PRKG1: variants seen among roughly 807,000 people sequenced by gnomAD.
The protein encoded by PRKG1 is protein kinase cGMP-dependent 1.
PRKG1 carries 35 observed loss-of-function variants against 88.1 expected under a neutral mutation model. The ratio of observed to expected loss-of-function variants is 0.40; its 90% CI spans 0.30 to 0.53. PRKG1 has a LOEUF of 0.53. Among genes scored for constraint, PRKG1 ranks in the 20% least tolerant of loss-of-function variants. The pLI, the probability that PRKG1 is intolerant of heterozygous loss-of-function variation, is 0.59. For missense variants in PRKG1, 540 were observed against 839.8 expected (o/e 0.64, Z 4.41); for synonymous variants, 303 against 292.5 (o/e 1.04, Z -0.37).
chr10:52,025,143 C>G (rs1389896052), intron 5 of PRKG1, among the ~76,000 whole-genome samples: 1 of 152,064 alleles, frequency 6.6e-6, no homozygotes, highest in Non-Finnish European at 1.5e-5. Flanking sequence ...GAGAAGTGTC[C>G]ATTCATATCG....
intron 2 of PRKG1, among the ~76,000 whole-genome samples, chr10:51,380,560 G>A (rs1354550473): frequency 6.6e-6 from 1 of 152,142 alleles, no homozygotes; most frequent in East Asian, 1.9e-4. Flanking sequence ...AGCACTTTGG[G>A]AGACTGAGGC....
chr10:52,197,237 T>G (rs894455170), intron 9 of PRKG1, among the ~76,000 whole-genome samples: 1 of 152,122 alleles, frequency 6.6e-6, no homozygotes, highest in African/African-American at 2.4e-5. Flanking sequence ...TCTCTAAAGA[T>G]GCAAAAGAAT....
intron 6 of PRKG1, among the ~76,000 whole-genome samples, chr10:52,059,106 C>A (rs993087845): frequency 2.0e-5 from 3 of 151,782 alleles, no homozygotes; most frequent in African/African-American, 7.3e-5. Flanking sequence ...ATATTGAAAT[C>A]CTGAGATACT....
intron 9 of PRKG1, among the ~76,000 whole-genome samples, chr10:52,234,510 T>C (rs1043716713): frequency 6.6e-6 from 1 of 150,478 alleles, no homozygotes; most frequent in African/African-American, 2.5e-5. Flanking sequence ...GAGAACTACG[T>C]GAAGAATGCA....
chr10:51,610,593 A>G (rs1446143570), intron 3 of PRKG1, among the ~76,000 whole-genome samples: 1 of 152,158 alleles, frequency 6.6e-6, no homozygotes, highest in African/African-American at 2.4e-5. Context: ...TAGTGCTGCA[A>G]TACTATTCAC....
intron 3 of PRKG1, among the ~76,000 whole-genome samples, chr10:51,673,796 T>G (rs938441149): frequency 5.9e-5 from 9 of 152,252 alleles, no homozygotes; most frequent in Admixed American, 5.9e-4. Flanking sequence ...AATAGACTTT[T>G]TAACATCTGA....
chr10:51,335,575 A>C (rs1275261355), intron 2 of PRKG1, among the ~76,000 whole-genome samples: 1 of 151,936 alleles, frequency 6.6e-6, no homozygotes, highest in Non-Finnish European at 1.5e-5. Context: ...TCTGTTCCCC[A>C]GGCTGGAGTG....
chr10:51,371,360 G>A (rs1842702239), intron 2 of PRKG1, among the ~76,000 whole-genome samples: 1 of 151,526 alleles, frequency 6.6e-6, no homozygotes. Flanking sequence ...CAACATTAGA[G>A]ACCCATCTCT....
rs1172536011 is a variant in PRKG1 at position 52,224,838 on chromosome 10, T to TATATATATATAC, written c.1077-26731_1077-26730insTATATATATACA. 2.4e-4 allele frequency among the ~76,000 whole-genome samples: 32 copies of TATATATATATAC among 135,852 alleles called. 1 individual carries two copies. The highest frequency in any genetic ancestry group is 9.3e-4 in the African/African-American group (32 of 34,548). 89.1% of individuals were successfully genotyped at this position (135,852 alleles called of 152,430 possible). A position where few individuals can be genotyped will look rare whatever the true frequency, so the allele number is the denominator to read the frequency against. On this transcript the variant is annotated intron_variant, in intron 9 of 17. Coordinates refer to ENST00000373980, the MANE Select transcript of PRKG1 (RefSeq NM_006258.4). ...ATATATATATATATATATATATATATACATACATACATACATATCTCACAG... is the reference window on the plus strand; with the variant it reads ...ATATATATATATATATATATATATATATATATATATACACATACATACATACATATCTCACAG...
chr10:51,812,822 C>T (rs1839491219), intron 4 of PRKG1, among the ~76,000 whole-genome samples: 1 of 152,058 alleles, frequency 6.6e-6, no homozygotes, highest in Non-Finnish European at 1.5e-5. Context: ...TTCACCTTTC[C>T]AATTTGCTTC....
chr10:52,187,344 C>T lies in PRKG1; in HGVS notation c.1076+25381C>T, dbSNP rs1014031292. Among the ~76,000 whole-genome samples the T allele has an allele frequency of 4.0e-5, 6 of 151,706 alleles. No individual in the cohort carries two copies. In the South Asian group the frequency reaches 1.2e-3, roughly 32 times the overall value. The stretch of plus-strand genomic sequence containing the variant: ...GAATTTTCTTTATTTTCATATAACC[C>T]CTGAGTTACAGTAGTAAAACATGGC... On this transcript the variant is annotated intron_variant, in intron 9 of 17. Coordinates refer to ENST00000373980, the MANE Select transcript of PRKG1 (RefSeq NM_006258.4).
At chr10:51,963,953 G>T (rs959458586) in intron 5 of PRKG1, among the ~76,000 whole-genome samples, 2 of 152,128 alleles carry the variant, frequency 1.3e-5, no homozygotes, top group Admixed American at 1.3e-4. Flanking sequence ...TAGTCCTGGA[G>T]ATCAAAAGTC....
chr10:51,067,446 G>A (rs1171956580), intron 1 of PRKG1, among the ~76,000 whole-genome samples: 1 of 151,908 alleles, frequency 6.6e-6, no homozygotes, highest in Admixed American at 6.6e-5. Context: ...AGTGGAAACT[G>A]GAAAATGAAA....
rs1385186936 is a variant in PRKG1, at chr10:51,213,708, AAAAGACTT to A, written c.478+60382_478+60389del. On this transcript the variant is annotated intron_variant, in intron 2 of 17. Coordinates refer to ENST00000373980, the MANE Select transcript of PRKG1 (RefSeq NM_006258.4). ...CTAAAGATAATATAACTTATTTTAAAAAAGACTTAAACTGAATCTTTGGTTCTTCTGAA... is the reference window on the plus strand; with the variant it reads ...CTAAAGATAATATAACTTATTTTAAAAAACTGAATCTTTGGTTCTTCTGAA... Among the ~76,000 whole-genome samples, 8 of 152,330 alleles carry A rather than the reference AAAAGACTT, an allele frequency of 5.3e-5. No homozygotes were observed. In the East Asian group the frequency reaches 1.5e-3, roughly 29 times the overall value.
At chr10:51,324,410 T>C (rs1222586474) in intron 2 of PRKG1, among the ~76,000 whole-genome samples, 4 of 152,122 alleles carry the variant, frequency 2.6e-5, no homozygotes, top group South Asian at 2.1e-4. Flanking sequence ...TCCATCTACA[T>C]TGCTGCAAAC....
chr10:51,057,035 A>C (rs1444837208), intron 1 of PRKG1, among the ~76,000 whole-genome samples: 2 of 152,250 alleles, frequency 1.3e-5, no homozygotes, highest in Non-Finnish European at 1.5e-5. Flanking sequence ...TGAAAATCAT[A>C]CCTGAGTTAT....
Position 51,581,005 on chromosome 10 carries a change from CA to C in PRKG1, c.592+113170del, listed in dbSNP as rs200871269. ...CGCACAAGATAGTGAAAGCTGGGTC[CA>C]GGGGGGGGTCACTGCCTTCTGGTCC... On this transcript the variant is annotated intron_variant, in intron 3 of 17. Coordinates refer to ENST00000373980, the MANE Select transcript of PRKG1 (RefSeq NM_006258.4). Among the ~76,000 whole-genome samples, 984 of 148,928 alleles carry C rather than the reference CA, an allele frequency of 6.6e-3. 10 individuals carry two copies. Among genetic ancestry groups the C allele is most frequent in the African/African-American group, 0.02 (784 of 38,452 alleles).
At chr10:52,169,174 G>C (rs999945913) in intron 9 of PRKG1, among the ~76,000 whole-genome samples, 2 of 152,102 alleles carry the variant, frequency 1.3e-5, no homozygotes, top group Non-Finnish European at 2.9e-5. Flanking sequence ...AGAGATGAAA[G>C]GTAGAAGGAA....
chr10:51,400,214 A>C (rs996974857), intron 2 of PRKG1, among the ~76,000 whole-genome samples: 1 of 152,198 alleles, frequency 6.6e-6, no homozygotes, highest in Admixed American at 6.5e-5. Context: ...TAAAGACTGT[A>C]TTTTTGTAGG....
Sources: allele counts gnomAD v4.1 joint callset (sites outside exome capture counted in the v4.1 genomes callset), GRCh38; gene constraint gnomAD v4.1.1; transcripts MANE v1.5; gene names NCBI Gene and HGNC (gene_info 2026-07-23, HGNC 2026-07-21).